Variants in CNTNAP5 observed in about 807,000 individuals in gnomAD.
The protein encoded by CNTNAP5 is contactin-associated protein-like 5.
CNTNAP5 carries 72 observed loss-of-function variants against 150.2 expected under a neutral mutation model. The ratio of observed to expected loss-of-function variants is 0.48; its 90% CI spans 0.40 to 0.58. CNTNAP5 has a LOEUF of 0.58. CNTNAP5 is among the 20% of genes least tolerant of loss of function. CNTNAP5 has a pLI of 0.00. For missense variants in CNTNAP5, 1,636 were observed against 1,626.2 expected (o/e 1.01, Z -0.10); for synonymous variants, 672 against 619.8 (o/e 1.08, Z -1.25).
intron 10 of CNTNAP5, among the ~76,000 whole-genome samples, chr2:124,531,244 T>C (rs1045333597): frequency 6.6e-6 from 1 of 152,020 alleles, no homozygotes; most frequent in African/African-American, 2.4e-5. Flanking sequence ...ATGCTGAAGT[T>C]GATCTGATAA....
At chr2:124,161,027 G>A (rs1229248711) in intron 1 of CNTNAP5, among the ~76,000 whole-genome samples, 1 of 152,094 alleles carries the variant, frequency 6.6e-6, no homozygotes, top group African/African-American at 2.4e-5. Context: ...AAAACAGCAA[G>A]ATCAGAGGAA....
At chr2:124,037,309 A>G (rs892609097) in intron 1 of CNTNAP5, among the ~76,000 whole-genome samples, 2 of 152,206 alleles carry the variant, frequency 1.3e-5, no homozygotes, top group African/African-American at 4.8e-5. Flanking sequence ...TTATCACTAC[A>G]TAATATTTCA....
At chr2:124,124,283 G>T (rs898362642) in intron 1 of CNTNAP5, among the ~76,000 whole-genome samples, 3 of 152,168 alleles carry the variant, frequency 2.0e-5, no homozygotes, top group Non-Finnish European at 4.4e-5. Flanking sequence ...TTCAGTAGAT[G>T]ATTTGATCAA....
chr2:124,706,775 A>G (rs1238106177), intron 13 of CNTNAP5, among the ~76,000 whole-genome samples: 8 of 36,814 alleles, frequency 2.2e-4, no homozygotes, highest in Admixed American at 1.2e-3. Context: ...AAGAAGAAGA[A>G]GAAGAAGAAG....
chr2:124,810,307 C>T (rs572104661), intron 19 of CNTNAP5, among the ~76,000 whole-genome samples: 1 of 152,248 alleles, frequency 6.6e-6, no homozygotes, highest in South Asian at 2.1e-4. Flanking sequence ...TTGTCCTGGG[C>T]AAAGAGCTTG....
intron 1 of CNTNAP5, among the ~76,000 whole-genome samples, chr2:124,198,024 C>T (rs1376373221): frequency 6.6e-6 from 1 of 151,450 alleles, no homozygotes; most frequent in East Asian, 1.9e-4. Context: ...TAAAACAATA[C>T]GTAGGTATTC....
chr2:124,841,959 A>T (rs1159002037), intron 19 of CNTNAP5, among the ~76,000 whole-genome samples: 2 of 136,274 alleles, frequency 1.5e-5, no homozygotes, highest in East Asian at 1.9e-4. Context: ...ACCAAAACTT[A>T]AAAAAAAACC....
chr2:124,430,176 T>G lies in CNTNAP5; in HGVS notation c.530-4308T>G, dbSNP rs1692340753. On this transcript the variant is annotated intron_variant, in intron 4 of 23. Coordinates refer to ENST00000682447, the MANE Select transcript of CNTNAP5 (RefSeq NM_001367498.1). ...GCCAGGTGGGAACCGACAGATGAGC[T>G]GAGCATCGTGGTCCAAGTGGGCAGC... is the stretch of plus-strand genomic sequence containing the variant. Among the ~76,000 whole-genome samples, 5 of 152,198 alleles carry G rather than the reference T, an allele frequency of 3.3e-5. No individual in the cohort carries two copies. In the South Asian group the frequency reaches 1.0e-3, roughly 32 times the overall value.
intron 10 of CNTNAP5, among the ~76,000 whole-genome samples, chr2:124,552,673 G>A (rs151073365): frequency 2.6e-5 from 4 of 152,182 alleles, no homozygotes; most frequent in East Asian, 1.9e-4. Flanking sequence ...GTATATATGT[G>A]TGTGTATTTA....
intron 8 of CNTNAP5, among the ~76,000 whole-genome samples, chr2:124,509,091 C>T (rs1332875482): frequency 6.6e-6 from 1 of 152,160 alleles, no homozygotes; most frequent in Non-Finnish European, 1.5e-5. Context: ...CATCCTGGAT[C>T]TAAAAGAGAA....
At chr2:124,735,338 TAGGTAGCTACTG>T (rs1461406960) in intron 13 of CNTNAP5, among the ~76,000 whole-genome samples, 1 of 152,156 alleles carries the variant, frequency 6.6e-6, no homozygotes, top group Non-Finnish European at 1.5e-5. Flanking sequence ...CTATCACTCC[TAGGTAGCTACTG>T]AGAAAAAATA....
chr2:124,653,197 A>G (rs909354524), intron 13 of CNTNAP5, among the ~76,000 whole-genome samples: 5 of 152,288 alleles, frequency 3.3e-5, no homozygotes, highest in Admixed American at 1.3e-4. Context: ...ACCTGCAGTC[A>G]ATTGCTTTAC....
chr2:124,779,896 G>A (rs559665896), intron 17 of CNTNAP5, among the ~76,000 whole-genome samples: 2 of 152,234 alleles, frequency 1.3e-5, no homozygotes, highest in East Asian at 3.9e-4. Context: ...ATACTGACCT[G>A]ATTGTTTCAT....
rs751187578 is a variant in CNTNAP5, at chr2:124,764,114, G to A, written c.2500G>A (p.Gly834Ser). The A allele has an allele frequency of 1.9e-6, 3 of 1,612,834 alleles. No homozygotes were observed. The highest frequency in any genetic ancestry group is 4.5e-5 in the East Asian group (2 of 44,858). ...ALSGVFLENL[G>S]IKDFIRLEIS... ...ATCCGGAGTTTTCCTAGAAAATCTTGGCATTAAAGACTTCATTCGACTCGA... is the reference window on the plus strand; with the variant it reads ...ATCCGGAGTTTTCCTAGAAAATCTTAGCATTAAAGACTTCATTCGACTCGA... Residue 834 changes from glycine (G) to serine (S), a missense_variant, in exon 16 of 24, where the codon GGC becomes AGC. Coordinates refer to ENST00000682447, the MANE Select transcript of CNTNAP5 (RefSeq NM_001367498.1).
chr2:124,147,303 A>G (rs1297063553), intron 1 of CNTNAP5, among the ~76,000 whole-genome samples: 1 of 151,578 alleles, frequency 6.6e-6, no homozygotes, highest in Non-Finnish European at 1.5e-5. Context: ...TGTACTATAT[A>G]TCAGCTAACA....
rs190968229 is a variant in CNTNAP5, at chr2:124,442,043, T to C, written c.734-4710T>C. On this transcript the variant is annotated intron_variant, in intron 5 of 23. Coordinates refer to ENST00000682447, the MANE Select transcript of CNTNAP5 (RefSeq NM_001367498.1). The stretch of plus-strand genomic sequence containing the variant: ...TTCATTAGATGGAGTAAGTGAAAGG[T>C]AGTCACTATTTAAGAAGAAGTACTT... Among the ~76,000 whole-genome samples the C allele has an allele frequency of 2.8e-3, 422 of 152,226 alleles. 2 individuals are homozygous for C. The highest frequency in any genetic ancestry group is 4.4e-3 in the Non-Finnish European group (302 of 68,012).
chr2:124,312,936 C>T (rs925354076), intron 3 of CNTNAP5, among the ~76,000 whole-genome samples: 1 of 152,156 alleles, frequency 6.6e-6, no homozygotes, highest in Non-Finnish European at 1.5e-5. Flanking sequence ...AACTCCTGAC[C>T]TCAGGTAATC....
At chr2:124,563,979 G>A (rs570596549) in intron 11 of CNTNAP5, among the ~76,000 whole-genome samples, 20 of 152,330 alleles carry the variant, frequency 1.3e-4, no homozygotes, top group African/African-American at 3.1e-4. Flanking sequence ...CAATCTTGCC[G>A]TGGAATGGGA....
At chr2:124,451,071 T>TAC (rs1166127534) in intron 6 of CNTNAP5, among the ~76,000 whole-genome samples, 1 of 98,264 alleles carries the variant, frequency 1.0e-5, no homozygotes, top group African/African-American at 3.8e-5. Context: ...TATATATATA[T>TAC]ATATATACAC....
Sources: allele counts gnomAD v4.1 joint callset (sites outside exome capture counted in the v4.1 genomes callset), GRCh38; gene constraint gnomAD v4.1.1; transcripts MANE v1.5; gene names NCBI Gene and HGNC (gene_info 2026-07-23, HGNC 2026-07-21).